ITGA9: variants seen among roughly 807,000 people sequenced by gnomAD.
ITGA9 encodes the protein integrin alpha-9.
A neutral mutation model predicts 127.8 loss-of-function variants in ITGA9; 56 were observed. That is an observed-to-expected ratio of 0.44 (90% confidence interval 0.35 to 0.55). ITGA9 has a LOEUF of 0.55. Ranked by LOEUF, ITGA9 falls within the 20% of genes least tolerant of loss-of-function variation. The pLI is 0.00. For missense variants in ITGA9, 1,196 were observed against 1,347.1 expected, an observed-to-expected ratio of 0.89 and a Z score of 1.76; for synonymous variants, 508 against 514.5, an observed-to-expected ratio of 0.99 and a Z score of 0.17.
chr3:37,544,894 C>T (rs1482723110), intron 15 of ITGA9, among the ~76,000 whole-genome samples: 3 of 152,230 alleles, frequency 2.0e-5, no homozygotes, highest in East Asian at 3.8e-4. Context: ...TACTTTATAA[C>T]CATGAGAATG....
intron 15 of ITGA9, among the ~76,000 whole-genome samples, chr3:37,542,795 G>A (rs762543927): frequency 2.6e-5 from 4 of 152,082 alleles, no homozygotes; most frequent in Non-Finnish European, 4.4e-5. Flanking sequence ...CCTTTAAGGG[G>A]GGTCGTGGTG....
At chr3:37,665,317 A>T (rs779525807) in intron 17 of ITGA9, among the ~76,000 whole-genome samples, 8 of 152,060 alleles carry the variant, frequency 5.3e-5, no homozygotes, top group Non-Finnish European at 8.8e-5. Flanking sequence ...CTCTGGCTAT[A>T]GGAATGGATT....
rs138517474 is a variant in ITGA9 at position 37,586,867 on chromosome 3, G to A, written c.1690-42320G>A. Reference sequence around the variant, plus strand: ...GTTGTCCAACACTTGCTTTGTTTGTGACATTTAGCTCCTTTTCTTCCTTTC... The same window carrying A: ...GTTGTCCAACACTTGCTTTGTTTGTAACATTTAGCTCCTTTTCTTCCTTTC... On this transcript the variant is annotated intron_variant, in intron 15 of 27. Coordinates refer to ENST00000264741, the MANE Select transcript of ITGA9 (RefSeq NM_002207.3). Among the ~76,000 whole-genome samples the A allele has an allele frequency of 3.7e-3, 557 of 152,278 alleles. 3 individuals carry two copies. Among genetic ancestry groups the A allele is most frequent in the African/African-American group, 0.013 (532 of 41,560 alleles).
intron 19 of ITGA9, among the ~76,000 whole-genome samples, chr3:37,734,032 C>G (rs898683959): frequency 6.6e-6 from 1 of 152,200 alleles, no homozygotes; most frequent in Admixed American, 6.5e-5. Flanking sequence ...GGAGGAACCC[C>G]TGGGTAGGGG....
intron 15 of ITGA9, among the ~76,000 whole-genome samples, chr3:37,616,315 C>T (rs552626017): frequency 1.3e-5 from 2 of 152,188 alleles, no homozygotes; most frequent in Admixed American, 6.5e-5. Context: ...TTTGATTGCA[C>T]TGTGGTCTGA....
At chr3:37,722,459 G>T (rs62241494) in intron 18 of ITGA9, among the ~76,000 whole-genome samples, 4 of 152,068 alleles carry the variant, frequency 2.6e-5, no homozygotes, top group Admixed American at 6.6e-5. Flanking sequence ...CTTAGCTGTC[G>T]TACCCCTTCC....
At chr3:37,735,439 G>A (rs565202936) in intron 19 of ITGA9, among the ~76,000 whole-genome samples, 12 of 152,262 alleles carry the variant, frequency 7.9e-5, no homozygotes, top group East Asian at 3.9e-4. Flanking sequence ...ACCAATGTCC[G>A]TTGCTTTCAG....
intron 15 of ITGA9, among the ~76,000 whole-genome samples, chr3:37,559,433 G>T (rs1310745274): frequency 3.3e-5 from 5 of 152,182 alleles, no homozygotes; most frequent in African/African-American, 4.8e-5. Flanking sequence ...ATAAAATGAG[G>T]CATTGCTTTT....
In ITGA9 at chr3:37,494,584, C is replaced by T; in HGVS notation, c.612+16C>T. The T allele has an allele frequency of 1.9e-6, 3 of 1,605,122 alleles. No individual in the cohort carries two copies. The highest frequency in any genetic ancestry group is 2.6e-6 in the Non-Finnish European group (3 of 1,172,034). On this transcript the variant is annotated intron_variant, in intron 5 of 27. Transcript: ENST00000264741. ...CTTCACCGAGGTGGGTGTCTGCTGTCTGGGCATTTCTGTTCTCTTGTGGGT... is the reference window on the plus strand; with the variant it reads ...CTTCACCGAGGTGGGTGTCTGCTGTTTGGGCATTTCTGTTCTCTTGTGGGT...
At chr3:37,622,943 A>T (rs1700141419) in intron 15 of ITGA9, among the ~76,000 whole-genome samples, 1 of 152,106 alleles carries the variant, frequency 6.6e-6, no homozygotes, top group South Asian at 2.1e-4. Context: ...TTATTATCTG[A>T]TTACAAATAT....
Position 37,814,291 on chromosome 3 carries a change from C to T in ITGA9, c.3010-4600C>T, listed in dbSNP as rs773401833. ...CAGAAAATAACCTTCCCAGGCTGGGCGCGGTGGCTCACACCTGTAATCCCA... is the reference window on the plus strand; with the variant it reads ...CAGAAAATAACCTTCCCAGGCTGGGTGCGGTGGCTCACACCTGTAATCCCA... On this transcript the variant is annotated intron_variant, in intron 27 of 27. Transcript: ENST00000264741. This position sits in a 1 kb window ranked among gnomAD's most constrained non-coding sequence, Gnocchi z 4.3. Among the ~76,000 whole-genome samples the T allele has an allele frequency of 3.9e-5, 6 of 152,228 alleles. No homozygotes were observed. The highest frequency in any genetic ancestry group is 1.9e-4 in the East Asian group (1 of 5,200).
At chr3:37,558,808 A>G (rs1575149381) in intron 15 of ITGA9, among the ~76,000 whole-genome samples, 1 of 151,660 alleles carries the variant, frequency 6.6e-6, no homozygotes, top group Non-Finnish European at 1.5e-5. Flanking sequence ...TGTGAAACGT[A>G]CTCCATTTCC....
chr3:37,735,454 C>T (rs943345132), intron 19 of ITGA9, among the ~76,000 whole-genome samples: 1 of 152,220 alleles, frequency 6.6e-6, no homozygotes, highest in Non-Finnish European at 1.5e-5. Flanking sequence ...TTTCAGGAAA[C>T]ATTCAGTAGA....
intron 17 of ITGA9, among the ~76,000 whole-genome samples, chr3:37,664,517 C>A (rs1700567047): frequency 1.3e-5 from 2 of 150,442 alleles, no homozygotes; most frequent in South Asian, 4.2e-4. Flanking sequence ...ACCTCCCGGG[C>A]TCAAGCGATT....
chr3:37,658,551 C>T (rs1489166121), intron 17 of ITGA9, among the ~76,000 whole-genome samples: 1 of 152,096 alleles, frequency 6.6e-6, no homozygotes, highest in Non-Finnish European at 1.5e-5. Flanking sequence ...AATATTCTAC[C>T]ATCCCTTTAT....
chr3:37,457,251 T>A (rs1698270546), intron 1 of ITGA9, among the ~76,000 whole-genome samples: 1 of 152,214 alleles, frequency 6.6e-6, no homozygotes, highest in Non-Finnish European at 1.5e-5. Context: ...CAATGAAAAC[T>A]TTTTGCTCAC....
At chr3:37,659,421 A>T (rs1340706341) in intron 17 of ITGA9, among the ~76,000 whole-genome samples, 1 of 151,184 alleles carries the variant, frequency 6.6e-6, no homozygotes, top group Non-Finnish European at 1.5e-5. Flanking sequence ...GCTTTATTTC[A>T]TTAAGTTGAT....
At chr3:37,677,343 A>T (rs574922806) in intron 17 of ITGA9, among the ~76,000 whole-genome samples, 1 of 152,324 alleles carries the variant, frequency 6.6e-6, no homozygotes, top group South Asian at 2.1e-4. Flanking sequence ...AAAAGCTTTG[A>T]TAGTTGTCAA....
At chr3:37,740,386 C>T (rs532373677) in intron 20 of ITGA9, among the ~76,000 whole-genome samples, 1 of 152,288 alleles carries the variant, frequency 6.6e-6, no homozygotes, top group East Asian at 1.9e-4. Context: ...CGCATTTTCC[C>T]AAGGAATAAT....
Sources: allele counts gnomAD v4.1 joint callset (sites outside exome capture counted in the v4.1 genomes callset), GRCh38; gene constraint gnomAD v4.1.1; non-coding constraint Gnocchi (gnomAD v3.1); transcripts MANE v1.5; gene names NCBI Gene and HGNC (gene_info 2026-07-23, HGNC 2026-07-21).